SPIDR: variants seen among roughly 807,000 people sequenced by gnomAD.
SPIDR encodes DNA repair-scaffolding protein.
A neutral mutation model predicts 104.6 loss-of-function variants in SPIDR; 93 were observed. The ratio of observed to expected loss-of-function variants is 0.89; its 90% CI spans 0.75 to 1.06. The LOEUF is 1.06. Among genes scored for constraint, SPIDR ranks in the 50% least tolerant of loss-of-function variants. The pLI, the probability that SPIDR is intolerant of heterozygous loss-of-function variation, is 0.00. For missense variants in SPIDR, 1,154 were observed against 1,111.2 expected (o/e 1.04, Z -0.55); for synonymous variants, 431 against 416.9 (o/e 1.03, Z -0.41).
At chr8:47,393,458 T>C (rs1042992236) in intron 5 of SPIDR, among the ~76,000 whole-genome samples, 3 of 152,038 alleles carry the variant, frequency 2.0e-5, no homozygotes, top group Non-Finnish European at 4.4e-5. Flanking sequence ...CCATCTGAGG[T>C]TGTTGGCTCC....
intron 11 of SPIDR, among the ~76,000 whole-genome samples, chr8:47,680,994 C>T (rs947892133): frequency 6.6e-6 from 1 of 152,078 alleles, no homozygotes; most frequent in African/African-American, 2.4e-5. Flanking sequence ...AACCGGGAGG[C>T]GGAGGTTGCA....
intron 5 of SPIDR, among the ~76,000 whole-genome samples, chr8:47,379,130 A>C (rs181616849): frequency 6.6e-6 from 1 of 152,266 alleles, no homozygotes; most frequent in Non-Finnish European, 1.5e-5. Flanking sequence ...GCCTACATGT[A>C]GCCAGAGGGA....
chr8:47,530,491 AT>A (rs200804685), intron 8 of SPIDR, among the ~76,000 whole-genome samples: 7,212 of 152,180 alleles, frequency 0.047, 198 homozygotes, highest in Non-Finnish European at 0.061. Flanking sequence ...GAAAAAAAAA[AT>A]ATCTAAACAT....
chr8:47,595,890 G>A lies in SPIDR; in HGVS notation c.1177G>A (p.Asp393Asn), dbSNP rs766963333. 2.5e-6 allele frequency: 4 copies of A among 1,614,188 alleles called. No individual in the cohort carries two copies. Among genetic ancestry groups the A allele is most frequent in the Admixed American group, 1.7e-5 (1 of 60,026 alleles). ...TTGTGAGAAAGTTGTTGCCAAAGAA[G>A]ATTCAGAAAAAACTTGTGAAGTGTA... ...YFCEKVVAKE[D>N]SEKTCEVYCP... The change falls in exon 9 of 20, where the codon GAT becomes AAT. Residue 393 changes from aspartate to asparagine, a missense_variant. Transcript: ENST00000297423.
rs142988975 is a variant in SPIDR at position 47,664,462 on chromosome 8, C to T, written c.1545-9339C>T. 3.0e-3 allele frequency among the ~76,000 whole-genome samples: 453 copies of T among 152,154 alleles called. 3 individuals carry two copies. The highest frequency in any genetic ancestry group is 0.011 in the African/African-American group (443 of 41,530). ...AGGAACATATGTTAACAATGTCTAA[C>T]CAAACAGAGTGTCAATAAAAAGATA... On this transcript the variant is annotated intron_variant, in intron 10 of 19. Transcript: ENST00000297423.
At chr8:47,402,991 A>G (rs1408918069) in intron 6 of SPIDR, among the ~76,000 whole-genome samples, 2 of 152,234 alleles carry the variant, frequency 1.3e-5, no homozygotes, top group East Asian at 3.8e-4. Flanking sequence ...AGCACATGAA[A>G]AAGCTTATCC....
rs192465914 is a variant in SPIDR, at chr8:47,514,520, A to G, written c.1097+73978A>G. On this transcript the variant is annotated intron_variant, in intron 8 of 19. Transcript: ENST00000297423. ...TGTATAGTGTTACTTTTCAGTTACTATGGTAGAAATCTAAAGAAACAGTGA... is the reference window on the plus strand; with the variant it reads ...TGTATAGTGTTACTTTTCAGTTACTGTGGTAGAAATCTAAAGAAACAGTGA... 5.8e-4 allele frequency among the ~76,000 whole-genome samples: 88 copies of G among 152,306 alleles called. No individual in the cohort carries two copies. In the Middle Eastern group the frequency reaches 0.01, roughly 18 times the overall value.
chr8:47,430,895 G>A (rs1194760912), intron 7 of SPIDR, among the ~76,000 whole-genome samples: 4 of 152,202 alleles, frequency 2.6e-5, no homozygotes, highest in Non-Finnish European at 5.9e-5. Flanking sequence ...TGTTTTAAAT[G>A]AAGAAGTTTT....
intron 1 of SPIDR, among the ~76,000 whole-genome samples, chr8:47,271,782 G>A (rs777996433): frequency 2.0e-5 from 3 of 151,858 alleles, no homozygotes; most frequent in African/African-American, 4.8e-5. Context: ...TTCTTCATGT[G>A]TGTTATAATT....
intron 5 of SPIDR, among the ~76,000 whole-genome samples, chr8:47,367,886 T>G (rs1388835239): frequency 6.6e-6 from 1 of 152,156 alleles, no homozygotes; most frequent in African/African-American, 2.4e-5. Context: ...AGCTGGAGAT[T>G]ATAGGAACAG....
At chr8:47,704,827 A>G (rs1487763415) in intron 14 of SPIDR, among the ~76,000 whole-genome samples, 1 of 152,148 alleles carries the variant, frequency 6.6e-6, no homozygotes, top group Non-Finnish European at 1.5e-5. Context: ...AGATAGGAGG[A>G]TAGGGCTCCC....
chr8:47,623,974 A>G (rs1027312204), intron 10 of SPIDR, among the ~76,000 whole-genome samples: 1 of 152,222 alleles, frequency 6.6e-6, no homozygotes, highest in Non-Finnish European at 1.5e-5. Context: ...AAAATTGACC[A>G]CATAGTTGGA....
intron 10 of SPIDR, among the ~76,000 whole-genome samples, chr8:47,638,534 G>A (rs1263674943): frequency 6.6e-6 from 1 of 152,192 alleles, no homozygotes; most frequent in Non-Finnish European, 1.5e-5. Context: ...GTTGTGGAAT[G>A]TTTGATATGT....
intron 14 of SPIDR, among the ~76,000 whole-genome samples, chr8:47,706,733 C>T (rs2081148105): frequency 6.6e-6 from 1 of 152,062 alleles, no homozygotes; most frequent in Non-Finnish European, 1.5e-5. Context: ...TATTAGTTTC[C>T]TACTAGGATT....
At chr8:47,545,563 A>G (rs565211221) in intron 8 of SPIDR, among the ~76,000 whole-genome samples, 2 of 152,106 alleles carry the variant, frequency 1.3e-5, no homozygotes, top group East Asian at 1.9e-4. Context: ...TCCATAGGCA[A>G]TCATGTCATC....
intron 5 of SPIDR, among the ~76,000 whole-genome samples, chr8:47,326,240 C>T (rs974208024): frequency 3.9e-5 from 6 of 152,160 alleles, no homozygotes; most frequent in Non-Finnish European, 8.8e-5. Flanking sequence ...GTCTGAAATT[C>T]TTGAGCTCAA....
intron 3 of SPIDR, among the ~76,000 whole-genome samples, chr8:47,288,889 T>G (rs1586393968): frequency 6.6e-6 from 1 of 152,322 alleles, no homozygotes; most frequent in African/African-American, 2.4e-5. Context: ...CGATGCAAAG[T>G]GGAACATTCC....
chr8:47,330,495 C>A (rs532295620), intron 5 of SPIDR, among the ~76,000 whole-genome samples: 2 of 152,146 alleles, frequency 1.3e-5, no homozygotes, highest in Non-Finnish European at 2.9e-5. Context: ...ACTAAAAATC[C>A]TCTGTGCTCT....
At chr8:47,645,073 TGA>T (rs2070052302) in intron 10 of SPIDR, among the ~76,000 whole-genome samples, 1 of 152,096 alleles carries the variant, frequency 6.6e-6, no homozygotes, top group Non-Finnish European at 1.5e-5. Context: ...CCAAGGACAG[TGA>T]GAAGCCTTTA....
Sources: gnomAD v4.1 joint callset for allele counts (sites outside exome capture counted in the v4.1 genomes callset) on GRCh38, gnomAD v4.1.1 for gene constraint, MANE v1.5 for transcripts, NCBI Gene and HGNC (gene_info 2026-07-23, HGNC 2026-07-21) for gene names.